Variants in BAZ2B observed in about 807,000 individuals in gnomAD.
The protein encoded by BAZ2B is bromodomain adjacent to zinc finger domain 2B.
Under a neutral mutation model 246.0 loss-of-function variants are expected in BAZ2B, and 91 were observed. That is an observed-to-expected ratio of 0.37 (90% CI 0.31 to 0.44). The LOEUF (loss-of-function observed/expected upper bound fraction) is 0.44. Among genes scored for constraint, BAZ2B ranks in the 20% least tolerant of loss-of-function variants. The pLI is 1.00. For synonymous variants in BAZ2B, 855 were observed against 860.0 expected (o/e 0.99, Z 0.10); for missense variants, 2,332 against 2,533.7 (o/e 0.92, Z 1.71).
At chr2:159,657,336 C>A in the BAZ2B span, among the ~76,000 whole-genome samples, 1 of 152,208 alleles carries the variant, frequency 6.6e-6, no homozygotes, top group Non-Finnish European at 1.5e-5. Context: ...TCAATTTGTT[C>A]TTTTATCAGT....
chr2:159,538,433 A>C (rs11885453), intron 2 of BAZ2B, among the ~76,000 whole-genome samples: 4,741 of 152,224 alleles, frequency 0.031, 249 homozygotes, highest in African/African-American at 0.11. Flanking sequence ...TAGGAATCTG[A>C]CTAGATTTAA....
chr2:159,325,169 C>T (rs2063526674), intron 35 of BAZ2B, among the ~76,000 whole-genome samples: 1 of 123,296 alleles, frequency 8.1e-6, no homozygotes, highest in African/African-American at 3.1e-5. Context: ...CTTGCTCTAT[C>T]GCCCAGACTG....
the BAZ2B span, among the ~76,000 whole-genome samples, chr2:159,706,049 A>C: frequency 7.1e-6 from 1 of 140,172 alleles, no homozygotes; most frequent in Non-Finnish European, 1.6e-5. Context: ...GGTTAAAAAA[A>C]CTCCATCAAT....
the BAZ2B span, among the ~76,000 whole-genome samples, chr2:159,698,389 C>T: frequency 6.6e-6 from 1 of 151,522 alleles, no homozygotes; most frequent in Non-Finnish European, 1.5e-5. Flanking sequence ...GGCATGGTAG[C>T]GTGCACCTAT....
At chr2:159,430,797 T>G (rs2070958724) in intron 10 of BAZ2B, 66 bp downstream of exon 10, 2 of 1,544,162 alleles carry the variant, frequency 1.3e-6, no homozygotes, top group Middle Eastern at 3.6e-4. Flanking sequence ...AGAACACTCT[T>G]ATCAATAAAA....
intron 18 of BAZ2B, among the ~76,000 whole-genome samples, chr2:159,397,893 TG>T (rs1188777607): frequency 1.3e-5 from 2 of 152,104 alleles, no homozygotes; most frequent in Non-Finnish European, 2.9e-5. Flanking sequence ...TGAATTAAAG[TG>T]ACAAAAACTA....
chr2:159,460,629 A>C (rs2076297117), intron 3 of BAZ2B: 1 of 152,088 alleles, frequency 6.6e-6, no homozygotes, highest in Non-Finnish European at 1.5e-5. Context: ...TATTCAAATA[A>C]AGTTGTTATG....
the BAZ2B span, among the ~76,000 whole-genome samples, chr2:159,630,329 A>C: frequency 6.6e-6 from 1 of 152,174 alleles, no homozygotes; most frequent in Non-Finnish European, 1.5e-5. Context: ...TCTCAAAAAA[A>C]CCAAAAAAAC....
chr2:159,467,184 T>A (rs1235314282), intron 3 of BAZ2B, among the ~76,000 whole-genome samples: 1 of 152,072 alleles, frequency 6.6e-6, no homozygotes, highest in Non-Finnish European at 1.5e-5. Flanking sequence ...GCCAGACAAA[T>A]TTGAGAAGGC....
At chr2:159,422,439 C>T (rs1162252639) in intron 13 of BAZ2B, among the ~76,000 whole-genome samples, 1 of 152,124 alleles carries the variant, frequency 6.6e-6, no homozygotes, top group Non-Finnish European at 1.5e-5. Flanking sequence ...AATAAGACTG[C>T]ACATCCATGA....
intron 1 of BAZ2B, among the ~76,000 whole-genome samples, chr2:159,567,096 A>G (rs1682798202): frequency 6.6e-6 from 1 of 152,076 alleles, no homozygotes; most frequent in South Asian, 2.1e-4. Flanking sequence ...TACAAAAATT[A>G]GCCAGGCATG....
chr2:159,417,771 C>A (rs2068016943), intron 13 of BAZ2B, among the ~76,000 whole-genome samples: 1 of 152,160 alleles, frequency 6.6e-6, no homozygotes, highest in Non-Finnish European at 1.5e-5. Context: ...TAGAGAGAGA[C>A]CTTTTCCCTA....
intron 19 of BAZ2B, chr2:159,396,553 T>C (rs2064049354): frequency 6.6e-6 from 1 of 152,236 alleles, no homozygotes; most frequent in Non-Finnish European, 1.5e-5. Context: ...ACTAGTTTAA[T>C]TTGACATTCT....
At chr2:159,633,853 C>T in the BAZ2B span, among the ~76,000 whole-genome samples, 2 of 151,332 alleles carry the variant, frequency 1.3e-5, no homozygotes, top group African/African-American at 4.9e-5. Flanking sequence ...AATTCTCATG[C>T]CTCAGCCTCC....
chr2:159,479,237 G>T (rs1286791585), intron 2 of BAZ2B, among the ~76,000 whole-genome samples: 2 of 152,114 alleles, frequency 1.3e-5, no homozygotes, highest in Non-Finnish European at 2.9e-5. Flanking sequence ...ATACATTTCA[G>T]AGTTTAACTT....
chr2:159,563,032 A>T (rs2151510428), intron 1 of BAZ2B, among the ~76,000 whole-genome samples: 1 of 152,324 alleles, frequency 6.6e-6, no homozygotes, highest in East Asian at 1.9e-4. Context: ...TGAAGACTGG[A>T]AAAATAATCA....
At chr2:159,391,876 A>G (rs2063373756) in intron 20 of BAZ2B, among the ~76,000 whole-genome samples, 2 of 152,220 alleles carry the variant, frequency 1.3e-5, no homozygotes, top group African/African-American at 4.8e-5. Flanking sequence ...ACTATTAGGC[A>G]TACTTTAATG....
chr2:159,604,972 GGA>G (rs1423670968), intron 1 of BAZ2B, among the ~76,000 whole-genome samples: 3 of 151,846 alleles, frequency 2.0e-5, no homozygotes, highest in South Asian at 2.1e-4. Flanking sequence ...GCGCGCGCTA[GGA>G]GAGAGAGAGA....
At chr2:159,616,074 A>AC (rs1196023879) in intron 1 of BAZ2B, 168 bp downstream of exon 1, 4 of 152,048 alleles carry the variant, frequency 2.6e-5, no homozygotes, top group African/African-American at 9.6e-5. Context: ...GCGAGGATAA[A>AC]CAGCGGCGGA....
Sources: gnomAD v4.1 joint callset for allele counts (sites outside exome capture counted in the v4.1 genomes callset) on GRCh38, gnomAD v4.1.1 for gene constraint, MANE v1.5 for transcripts, NCBI Gene and HGNC (gene_info 2026-07-23, HGNC 2026-07-21) for gene names.